SLC2A9: variants seen among roughly 807,000 people sequenced by gnomAD.
The protein encoded by SLC2A9 is solute carrier family 2, facilitated glucose transporter member 9.
A neutral mutation model predicts 50.6 loss-of-function variants in SLC2A9; 39 were observed. The ratio of observed to expected loss-of-function variants is 0.77; its 90% CI spans 0.60 to 1.01. The LOEUF is 1.01. Among genes scored for constraint, SLC2A9 ranks in the 50% least tolerant of loss-of-function variants. The pLI, the probability that SLC2A9 is intolerant of heterozygous loss-of-function variation, is 0.00. For missense variants in SLC2A9, 686 were observed against 677.6 expected, an observed-to-expected ratio of 1.01 and a Z score of -0.14; for synonymous variants, 324 against 276.9, an observed-to-expected ratio of 1.17 and a Z score of -1.69.
intron 10 of SLC2A9, among the ~76,000 whole-genome samples, chr4:9,845,992 T>C (rs189695125): frequency 1.3e-5 from 2 of 152,362 alleles, no homozygotes; most frequent in Admixed American, 1.3e-4. Flanking sequence ...AGTCCTGTGC[T>C]AGGCAATTGC....
At chr4:9,945,320 T>C (rs1748935798) in intron 5 of SLC2A9, among the ~76,000 whole-genome samples, 1 of 151,996 alleles carries the variant, frequency 6.6e-6, no homozygotes. Flanking sequence ...CTAGGGAGGA[T>C]TTCTGTTGGG....
rs116696001 is a variant in SLC2A9, at chr4:10,028,750, G to C, written c.-40-2744C>G. Among the ~76,000 whole-genome samples, 598 of 152,286 alleles carry C rather than the reference G, an allele frequency of 3.9e-3. 6 individuals are homozygous for C. The highest frequency in any genetic ancestry group is 0.014 in the African/African-American group (562 of 41,562). On this transcript the variant is annotated intron_variant, in intron 1 of 12. Coordinates refer to the SLC2A9 transcript ENST00000309065. ...CCTGCCAAAGGCACCCTGGCATTAG[G>C]TCAGAGTGCTGCCTCTGCCTCCTTC...
intron 10 of SLC2A9, among the ~76,000 whole-genome samples, chr4:9,867,324 G>A (rs1341593111): frequency 6.6e-6 from 1 of 152,170 alleles, no homozygotes; most frequent in Non-Finnish European, 1.5e-5. Flanking sequence ...AACCCAGCCT[G>A]CACTCTCTGC....
At chr4:9,857,764 C>T (rs1296540305) in intron 10 of SLC2A9, among the ~76,000 whole-genome samples, 1 of 152,236 alleles carries the variant, frequency 6.6e-6, no homozygotes, top group Non-Finnish European at 1.5e-5. Context: ...TGACTCAGTG[C>T]CCACTCCCTC....
At chr4:9,817,660 T>G (rs2109024307) in intron 3 of SLC2A9, among the ~76,000 whole-genome samples, 1 of 152,316 alleles carries the variant, frequency 6.6e-6, no homozygotes, top group East Asian at 1.9e-4. Context: ...TCCGAGTCCT[T>G]TTGCTAAATG....
intron 2 of SLC2A9, among the ~76,000 whole-genome samples, chr4:10,016,336 G>C (rs1244637374): frequency 6.6e-6 from 1 of 152,218 alleles, no homozygotes; most frequent in Non-Finnish European, 1.5e-5. Flanking sequence ...GAAAGTCAGT[G>C]AACAGTGTGC....
chr4:9,832,676 T>C (rs1726371025), intron 11 of SLC2A9, among the ~76,000 whole-genome samples: 1 of 152,136 alleles, frequency 6.6e-6, no homozygotes, highest in African/African-American at 2.4e-5. Flanking sequence ...AAGAATTGAT[T>C]CCAGTTTTTA....
At chr4:9,814,360 A>C (rs1240799557) in intron 3 of SLC2A9, among the ~76,000 whole-genome samples, 1 of 152,192 alleles carries the variant, frequency 6.6e-6, no homozygotes, top group Non-Finnish European at 1.5e-5. Context: ...TAGATGAATG[A>C]ATTAACCATT....
chr4:9,867,252 AAGCTGCTAAAGAAGAAAGAAAGTAG>A (rs1413655930), intron 10 of SLC2A9, among the ~76,000 whole-genome samples: 1 of 152,226 alleles, frequency 6.6e-6, no homozygotes, highest in Non-Finnish European at 1.5e-5. Flanking sequence ...TTGGTAATTA[AAGCTGCTAAAGAAGAAAGAAAGTAG>A]ACGCAGTGTT....
At chr4:9,983,283 C>A (rs964574588) in intron 4 of SLC2A9, among the ~76,000 whole-genome samples, 3 of 152,190 alleles carry the variant, frequency 2.0e-5, no homozygotes, top group Non-Finnish European at 4.4e-5. Flanking sequence ...CTGATTTGTA[C>A]CCCCTCCCTG....
At chr4:9,943,962 G>A (rs1186254893) in intron 5 of SLC2A9, among the ~76,000 whole-genome samples, 1 of 152,200 alleles carries the variant, frequency 6.6e-6, no homozygotes, top group Non-Finnish European at 1.5e-5. Context: ...GGCGATTCCT[G>A]TGCTGAGGCC....
At chr4:9,902,885 A>G (rs1739906808) in intron 8 of SLC2A9, among the ~76,000 whole-genome samples, 1 of 152,236 alleles carries the variant, frequency 6.6e-6, no homozygotes, top group Admixed American at 6.5e-5. Context: ...GAGGAGGTGC[A>G]ATTCAACCCA....
intron 3 of SLC2A9, among the ~76,000 whole-genome samples, chr4:9,799,584 A>AATCCAAAC (rs1721050107): frequency 6.6e-6 from 1 of 151,970 alleles, no homozygotes; most frequent in Non-Finnish European, 1.5e-5. Flanking sequence ...AGAGACACAG[A>AATCCAAAC]CATTCAGACC....
intron 11 of SLC2A9, among the ~76,000 whole-genome samples, chr4:9,833,997 T>C (rs191667666): frequency 2.6e-5 from 4 of 152,292 alleles, no homozygotes; most frequent in Admixed American, 6.5e-5. Context: ...TCTTATCTGA[T>C]CCTCTCTCTC....
At chr4:9,954,523 G>GTGGC (rs1344221669) in intron 5 of SLC2A9, among the ~76,000 whole-genome samples, 3 of 152,240 alleles carry the variant, frequency 2.0e-5, no homozygotes, top group Non-Finnish European at 4.4e-5. Flanking sequence ...ATACTGGCTG[G>GTGGC]TGGCTGGCAT....
intron 2 of SLC2A9, among the ~76,000 whole-genome samples, chr4:10,010,614 C>G (rs1258136141): frequency 6.6e-6 from 1 of 152,100 alleles, no homozygotes; most frequent in Non-Finnish European, 1.5e-5. Context: ...GCCAGGGAAA[C>G]AAATGAACAG....
chr4:9,922,852 T>C (rs976511281), intron 6 of SLC2A9: 2 of 152,496 alleles, frequency 1.3e-5, no homozygotes, highest in Non-Finnish European at 2.9e-5. Context: ...ACCAAGGAGT[T>C]ACCTGCCGGC....
rs186910730 is a variant in SLC2A9, at chr4:9,886,220, C to T, written c.1291+1347G>A. Among the ~76,000 whole-genome samples the T allele has an allele frequency of 1.1e-3, 173 of 152,288 alleles. 1 individual carries two copies. The highest frequency in any genetic ancestry group is 3.6e-3 in the African/African-American group (149 of 41,552). Reference sequence around the variant, plus strand: ...GCATGTCCCCAGGCTAGCATAGGGCCGTAGGCTGGACACCTCCAGAGCACT... The same window carrying T: ...GCATGTCCCCAGGCTAGCATAGGGCTGTAGGCTGGACACCTCCAGAGCACT... On this transcript the variant is annotated intron_variant, in intron 10 of 11. Coordinates refer to ENST00000264784, the MANE Select transcript of SLC2A9 (RefSeq NM_020041.3).
intron 7 of SLC2A9, 55 bp downstream of exon 7, chr4:9,920,330 C>T: frequency 6.2e-7 from 1 of 1,600,710 alleles, no homozygotes; most frequent in Non-Finnish European, 8.5e-7. Flanking sequence ...CTGAACCTCC[C>T]CACCCTCTGA....
Sources: gnomAD v4.1 joint callset for allele counts (sites outside exome capture counted in the v4.1 genomes callset) on GRCh38, gnomAD v4.1.1 for gene constraint, MANE v1.5 for transcripts, NCBI Gene and HGNC (gene_info 2026-07-23, HGNC 2026-07-21) for gene names.